The following WT1 variants were observed in gnomAD, a reference collection of about 807,000 sequenced individuals.
The protein encoded by WT1 is WT1 transcription factor.
A neutral mutation model predicts 60.8 loss-of-function variants in WT1; 8 were observed. That is an observed-to-expected ratio of 0.13 (90% CI 0.08 to 0.24). WT1 has a LOEUF of 0.24. WT1 is among the 10% of genes least tolerant of loss of function. The pLI is 1.00. For synonymous variants in WT1, 312 were observed against 297.1 expected, an observed-to-expected ratio of 1.05 and a Z score of -0.52; for missense variants, 568 against 711.8, an observed-to-expected ratio of 0.80 and a Z score of 2.30.
intron 6 of WT1, among the ~76,000 whole-genome samples, chr11:32,397,966 G>A (rs1346113933): frequency 6.6e-6 from 1 of 152,166 alleles, no homozygotes; most frequent in African/African-American, 2.4e-5. Context: ...GAAAGCAAAG[G>A]AAGCATTTTC....
At chr11:32,429,986 A>G (rs202078203) in intron 1 of WT1, among the ~76,000 whole-genome samples, 5 of 148,608 alleles carry the variant, frequency 3.4e-5, no homozygotes, top group Non-Finnish European at 5.9e-5. Context: ...CAGAAAAAAA[A>G]AAAAAGAAAA....
chr11:32,431,062 C>G (rs986263930), intron 1 of WT1, among the ~76,000 whole-genome samples: 1 of 152,138 alleles, frequency 6.6e-6, no homozygotes, highest in South Asian at 2.1e-4. Context: ...GGGAGGGGAG[C>G]GCAACCTTGA....
chr11:32,424,579 C>A (rs1402933537), intron 3 of WT1, among the ~76,000 whole-genome samples: 1 of 152,184 alleles, frequency 6.6e-6, no homozygotes, highest in Non-Finnish European at 1.5e-5. Flanking sequence ...CACAAAACTC[C>A]ACCCACCTTG....
chr11:32,391,005 G>A (rs578041291), intron 9 of WT1, among the ~76,000 whole-genome samples: 16 of 152,094 alleles, frequency 1.1e-4, no homozygotes, highest in Non-Finnish European at 2.1e-4. Flanking sequence ...TTGAGACAGG[G>A]TCTTGCTCTG....
chr11:32,431,052 G>C (rs576486757), intron 1 of WT1, among the ~76,000 whole-genome samples: 260 of 152,266 alleles, frequency 1.7e-3, no homozygotes, highest in African/African-American at 5.9e-3. Context: ...GTCCCGGCCC[G>C]GGAGGGGAGC....
chr11:32,391,871 G>T, intron 9 of WT1, 101 bp downstream of exon 9: 1 of 1,233,314 alleles, frequency 8.1e-7, no homozygotes, highest in East Asian at 2.3e-5. Flanking sequence ...CTAAACCTTA[G>T]AACTTTTACA....
chr11:32,431,260 T>C (rs1281771038), intron 1 of WT1, among the ~76,000 whole-genome samples: 5 of 152,142 alleles, frequency 3.3e-5, no homozygotes, highest in African/African-American at 1.2e-4. Context: ...GGGGAAAACC[T>C]GTCCCCCAAC....
chr11:32,435,046 C>T lies in WT1; in HGVS notation c.315G>A (p.Ala105=), dbSNP rs1554946607. 6.8e-7 allele frequency: 1 copy of T among 1,463,994 alleles called. No homozygotes were observed. Among genetic ancestry groups the T allele is most frequent in the Non-Finnish European group, 8.9e-7 (1 of 1,119,470 alleles). 90.7% of individuals were successfully genotyped at this position (1,463,994 alleles called of 1,614,324 possible). A position where few individuals can be genotyped will look rare whatever the true frequency, so the allele number is the denominator to read the frequency against. The change falls in exon 1 of 10, where the codon GCG becomes GCA. Residue 105 remains alanine (A), a synonymous_variant. Transcript: ENST00000452863. ...CAAAGTCCAGCACCGGCGCCCACTG[C>T]GCCGCGCCGCTCACAGGCAGGGCAC...
At position 32,428,486 on chromosome 11, in the gene WT1, C is replaced by G. The variant is rs376463157; in HGVS notation, c.784+11G>C. ...AGGGGAGAAGGACTCCACTTGGTTC[C>G]GCTCGCTTACCCAGCGAGCCCTGCT... On this transcript the variant is annotated intron_variant, in intron 2 of 9. Coordinates refer to ENST00000452863, the MANE Select transcript of WT1 (RefSeq NM_024426.6). The G allele has an allele frequency of 6.2e-7, 1 of 1,613,986 alleles. No individual in the cohort carries two copies. The highest frequency in any genetic ancestry group is 8.5e-7 in the Non-Finnish European group (1 of 1,180,020).
rs184986200 is a variant in WT1, at chr11:32,397,768, G to A, written c.1114-1361C>T. Among the ~76,000 whole-genome samples the A allele has an allele frequency of 1.5e-3, 223 of 152,152 alleles. 3 individuals carry two copies. Among genetic ancestry groups the A allele is most frequent in the African/African-American group, 5.1e-3 (213 of 41,508 alleles). On this transcript the variant is annotated intron_variant, in intron 6 of 9. Coordinates refer to ENST00000452863, the MANE Select transcript of WT1 (RefSeq NM_024426.6). ...CACTGAAAGGTCATTTTCTTTTTTG[G>A]AAGAATAAATGCTGCAGTGACATAC...
chr11:32,406,656 T>G (rs1400565767), intron 5 of WT1, among the ~76,000 whole-genome samples: 1 of 152,118 alleles, frequency 6.6e-6, no homozygotes, highest in South Asian at 2.1e-4. Flanking sequence ...TCTATTGAAC[T>G]GGGAAAATAA....
intron 1 of WT1, among the ~76,000 whole-genome samples, chr11:32,431,681 G>C (rs796191056): frequency 4.0e-5 from 6 of 151,878 alleles, no homozygotes; most frequent in African/African-American, 1.4e-4. Flanking sequence ...GACCTCAGGT[G>C]ATCCAACCGC....
intron 3 of WT1, among the ~76,000 whole-genome samples, chr11:32,422,964 G>A (rs148688984): frequency 2.0e-4 from 31 of 152,314 alleles, no homozygotes; most frequent in African/African-American, 7.2e-4. Flanking sequence ...GCAGTGCACA[G>A]AACTTTTCAA....
rs1853454814 is a variant in WT1, at chr11:32,434,985, C to T, written c.376G>A (p.Gly126Ser). Reference sequence around the variant, plus strand: ...GGCGGAGCCGGTGGCGGCGCGGGGCCGCCCAACGACCCGTAAGCCGAAGCG... The same window carrying T: ...GGCGGAGCCGGTGGCGGCGCGGGGCTGCCCAACGACCCGTAAGCCGAAGCG... Residue 126 changes from glycine (G) to serine (S), a missense_variant, in exon 1 of 10, where the codon GGC becomes AGC. By Grantham distance (56) the Gly-to-Ser change is moderately conservative. Transcript: ENST00000452863. 1 of 1,513,792 alleles carries T rather than the reference C, an allele frequency of 6.6e-7. No homozygotes were observed. 93.8% of individuals were successfully genotyped at this position (1,513,792 alleles called of 1,614,324 possible).
chr11:32,415,596 GAGATGGC>G (rs1478252088), intron 5 of WT1, among the ~76,000 whole-genome samples: 1 of 152,184 alleles, frequency 6.6e-6, no homozygotes, highest in Non-Finnish European at 1.5e-5. Flanking sequence ...TGCGGTGAGC[GAGATGGC>G]ACCATTGCAC....
At chr11:32,423,870 A>C (rs1852932988) in intron 3 of WT1, among the ~76,000 whole-genome samples, 1 of 152,226 alleles carries the variant, frequency 6.6e-6, no homozygotes, top group Admixed American at 6.5e-5. Context: ...TATGAGCAAA[A>C]GTGATACATT....
intron 4 of WT1, among the ~76,000 whole-genome samples, 175 bp from the exon 5 acceptor site, chr11:32,416,715 A>G (rs995245738): frequency 6.6e-6 from 1 of 152,208 alleles, no homozygotes; most frequent in Non-Finnish European, 1.5e-5. Flanking sequence ...GGTGGAAGGC[A>G]CCACCGGAGG....
chr11:32,393,608 A>G (rs1480579481), intron 7 of WT1, among the ~76,000 whole-genome samples: 1 of 152,220 alleles, frequency 6.6e-6, no homozygotes, highest in East Asian at 1.9e-4. Context: ...AGCCTGGGCT[A>G]TTTCCCTCAT....
At chr11:32,403,398 C>G (rs1310953468) in intron 5 of WT1, among the ~76,000 whole-genome samples, 2 of 152,094 alleles carry the variant, frequency 1.3e-5, no homozygotes, top group Non-Finnish European at 2.9e-5. Context: ...GAAAGGCCAT[C>G]TACACCAACC....
Sources: allele counts gnomAD v4.1 joint callset (sites outside exome capture counted in the v4.1 genomes callset), GRCh38; gene constraint gnomAD v4.1.1; transcripts MANE v1.5; gene names NCBI Gene and HGNC (gene_info 2026-07-23, HGNC 2026-07-21).